PRKCE: variants seen among roughly 807,000 people sequenced by gnomAD.
The protein encoded by PRKCE is protein kinase C epsilon type.
In PRKCE, 16 loss-of-function variants were observed where a neutral mutation model predicts 85.4. That is an observed-to-expected ratio of 0.19 (90% CI 0.13 to 0.28). The LOEUF is 0.28. Among genes scored for constraint, PRKCE ranks in the 10% least tolerant of loss-of-function variants. The probability of loss-of-function intolerance (pLI) is 1.00; values close to 1 mark genes in which losing one functional copy is unlikely to be tolerated. For synonymous variants in PRKCE, 388 were observed against 371.5 expected (o/e 1.04, Z -0.51); for missense variants, 573 against 975.2 (o/e 0.59, Z 5.49).
At chr2:45,709,210 T>A (rs933153102) in intron 1 of PRKCE, among the ~76,000 whole-genome samples, 3 of 152,184 alleles carry the variant, frequency 2.0e-5, no homozygotes, top group Non-Finnish European at 4.4e-5. Flanking sequence ...TGGTGGCAGG[T>A]GCTGGTCAGG....
chr2:46,123,207 C>A (rs1165970840), intron 11 of PRKCE, among the ~76,000 whole-genome samples: 26 of 62,046 alleles, frequency 4.2e-4, no homozygotes, highest in East Asian at 1.9e-3. Context: ...CAAAGGAAAA[C>A]ACTTGCCTTT....
At position 46,101,580 on chromosome 2, in the gene PRKCE, G is replaced by A. The variant is rs535905470; in HGVS notation, c.1592+15218G>A. Among the ~76,000 whole-genome samples the A allele has an allele frequency of 5.9e-5, 9 of 152,296 alleles. No individual in the cohort carries two copies. The South Asian group carries it at 8.3e-4, about 14-fold the overall frequency. ...AGGGACCCTAGCCTCAGAGGCTGTCGAATGACTGTCAAAGCCCTGTAAGTG... is the reference window on the plus strand; with the variant it reads ...AGGGACCCTAGCCTCAGAGGCTGTCAAATGACTGTCAAAGCCCTGTAAGTG... On this transcript the variant is annotated intron_variant, in intron 11 of 14. Coordinates refer to ENST00000306156, the MANE Select transcript of PRKCE (RefSeq NM_005400.3).
intron 12 of PRKCE, among the ~76,000 whole-genome samples, chr2:46,147,868 C>A (rs79298080): frequency 1.3e-5 from 2 of 152,198 alleles, no homozygotes; most frequent in South Asian, 4.1e-4. Context: ...CATTTGATGA[C>A]TTGATGAAGT....
intron 5 of PRKCE, among the ~76,000 whole-genome samples, chr2:45,982,293 T>C (rs1043935966): frequency 2.6e-5 from 4 of 152,256 alleles, no homozygotes; most frequent in African/African-American, 9.6e-5. Context: ...CCACCTTTAA[T>C]GTGATGCCTG....
intron 2 of PRKCE, among the ~76,000 whole-genome samples, chr2:45,966,666 C>CT (rs914230433): frequency 2.0e-5 from 3 of 152,282 alleles, no homozygotes; most frequent in African/African-American, 7.2e-5. Flanking sequence ...CCCATTTCTG[C>CT]TTTTTTCTAG....
At chr2:46,000,692 G>C (rs75357782) in intron 6 of PRKCE, among the ~76,000 whole-genome samples, 1 of 151,922 alleles carries the variant, frequency 6.6e-6, no homozygotes, top group Admixed American at 6.6e-5. Context: ...TCAACTCAAC[G>C]ACTGGGTCCC....
At chr2:46,156,377 T>C (rs963940964) in intron 13 of PRKCE, among the ~76,000 whole-genome samples, 4 of 152,202 alleles carry the variant, frequency 2.6e-5, no homozygotes, top group African/African-American at 9.7e-5. Flanking sequence ...AGGGAGTTCA[T>C]CACAGTCTCA....
At chr2:45,944,225 C>T (rs1184981242) in intron 2 of PRKCE, among the ~76,000 whole-genome samples, 2 of 152,198 alleles carry the variant, frequency 1.3e-5, no homozygotes, top group Admixed American at 6.5e-5. Flanking sequence ...TTGCTCCATT[C>T]GGACTTTTTG....
chr2:45,683,416 C>G (rs1258192487), intron 1 of PRKCE, among the ~76,000 whole-genome samples: 1 of 152,222 alleles, frequency 6.6e-6, no homozygotes, highest in Non-Finnish European at 1.5e-5. Flanking sequence ...GGCCCAGTCT[C>G]CTTGGCAGGT....
chr2:46,050,229 C>T (rs952688712), intron 10 of PRKCE, among the ~76,000 whole-genome samples: 1 of 152,242 alleles, frequency 6.6e-6, no homozygotes, highest in African/African-American at 2.4e-5. Context: ...GCTGCCAAGA[C>T]TCGAGCACTG....
chr2:45,770,589 A>G (rs977757569), intron 1 of PRKCE: 5 of 152,166 alleles, frequency 3.3e-5, no homozygotes, highest in Non-Finnish European at 7.4e-5. Context: ...ACCGCCCCCC[A>G]CAACCACAAA....
chr2:46,023,575 C>G (rs1706861910), intron 10 of PRKCE, among the ~76,000 whole-genome samples: 2 of 152,298 alleles, frequency 1.3e-5, no homozygotes, highest in East Asian at 3.9e-4. Context: ...TTTGATAGCC[C>G]TTCCTTCTTA....
intron 1 of PRKCE, among the ~76,000 whole-genome samples, chr2:45,684,592 T>A (rs988916570): frequency 1.3e-5 from 2 of 152,224 alleles, no homozygotes; most frequent in Non-Finnish European, 2.9e-5. Flanking sequence ...ACAATATTGA[T>A]TTTACAACCC....
At chr2:46,113,607 G>A (rs1021277091) in intron 11 of PRKCE, among the ~76,000 whole-genome samples, 1 of 152,212 alleles carries the variant, frequency 6.6e-6, no homozygotes, top group Non-Finnish European at 1.5e-5. Flanking sequence ...AGCGTTAGCA[G>A]GGAGAATGTC....
chr2:45,680,475 T>C (rs1386740237), intron 1 of PRKCE, among the ~76,000 whole-genome samples: 1 of 152,262 alleles, frequency 6.6e-6, no homozygotes, highest in Non-Finnish European at 1.5e-5. Context: ...AACTTGTTTC[T>C]TTAACTGTTA....
chr2:46,096,300 G>A (rs771758367), intron 11 of PRKCE, among the ~76,000 whole-genome samples: 7 of 152,212 alleles, frequency 4.6e-5, no homozygotes, highest in Non-Finnish European at 7.3e-5. Context: ...AGTGCTGAGT[G>A]CAATCTTTGA....
At chr2:46,169,744 A>C (rs944107910) in intron 14 of PRKCE, among the ~76,000 whole-genome samples, 2 of 152,142 alleles carry the variant, frequency 1.3e-5, no homozygotes, top group Non-Finnish European at 2.9e-5. Context: ...CAGGATTTGC[A>C]GACTTCCTGG....
chr2:45,949,785 T>C (rs1700497881), intron 2 of PRKCE, among the ~76,000 whole-genome samples: 1 of 152,152 alleles, frequency 6.6e-6, no homozygotes, highest in South Asian at 2.1e-4. Context: ...CTGTTTCTCA[T>C]CTCTGTTCTA....
chr2:45,768,248 G>C (rs781082116), intron 1 of PRKCE, among the ~76,000 whole-genome samples: 1 of 152,212 alleles, frequency 6.6e-6, no homozygotes, highest in African/African-American at 2.4e-5. Flanking sequence ...TTGAAAAGCT[G>C]TTACAGTGCT....
Sources: gnomAD v4.1 joint callset for allele counts (sites outside exome capture counted in the v4.1 genomes callset) on GRCh38, gnomAD v4.1.1 for gene constraint, MANE v1.5 for transcripts, NCBI Gene and HGNC (gene_info 2026-07-23, HGNC 2026-07-21) for gene names.